Variants in TENM2 observed in about 807,000 individuals in gnomAD.
The protein encoded by TENM2 is teneurin transmembrane protein 2.
Under a neutral mutation model 245.2 loss-of-function variants are expected in TENM2, and 52 were observed. The observed-to-expected ratio is 0.21, with a 90% confidence interval of 0.17 to 0.27. TENM2 has a LOEUF of 0.27. Ranked by LOEUF, TENM2 falls within the 10% of genes least tolerant of loss-of-function variation. The pLI, the probability that TENM2 is intolerant of heterozygous loss-of-function variation, is 1.00. For synonymous variants in TENM2, 1,363 were observed against 1,438.9 expected (o/e 0.95, Z 1.19); for missense variants, 3,046 against 3,666.8 (o/e 0.83, Z 4.37).
At chr5:167,519,859 G>A (rs1216332652) in intron 2 of TENM2, among the ~76,000 whole-genome samples, 1 of 152,058 alleles carries the variant, frequency 6.6e-6, no homozygotes, top group Non-Finnish European at 1.5e-5. Context: ...GGCACTCCAA[G>A]AACCGATGTC....
At chr5:167,933,808 G>A (rs1290721214) in intron 3 of TENM2, among the ~76,000 whole-genome samples, 2 of 152,130 alleles carry the variant, frequency 1.3e-5, no homozygotes, top group African/African-American at 2.4e-5. Context: ...TGTGTATAAT[G>A]GGTATCTCCT....
the TENM2 span, among the ~76,000 whole-genome samples, chr5:167,138,159 A>C: frequency 3.0e-3 from 464 of 152,374 alleles, 1 homozygote; most frequent in Admixed American, 4.1e-3. Flanking sequence ...AAAGAAAACA[A>C]TCAAACAAGT....
intron 4 of TENM2, among the ~76,000 whole-genome samples, chr5:167,962,578 G>A (rs151326195): frequency 7.2e-5 from 11 of 152,214 alleles, no homozygotes; most frequent in African/African-American, 2.4e-4. Flanking sequence ...AGACATACCC[G>A]AGACCCAGTA....
intron 2 of TENM2, among the ~76,000 whole-genome samples, chr5:167,516,433 G>A (rs1225110244): frequency 6.6e-6 from 1 of 152,140 alleles, no homozygotes. Flanking sequence ...CCATGCTCGT[G>A]TGCCTTTTTC....
At chr5:167,718,171 G>T (rs1759391511) in intron 2 of TENM2, among the ~76,000 whole-genome samples, 1 of 152,100 alleles carries the variant, frequency 6.6e-6, no homozygotes, top group Admixed American at 6.5e-5. Flanking sequence ...GTCAAGCTCG[G>T]GGGATCTATC....
intron 12 of TENM2, chr5:168,139,509 G>A (rs769944445): frequency 6.6e-6 from 3 of 456,380 alleles, no homozygotes; most frequent in South Asian, 4.6e-5. Context: ...CTAGAAGTGA[G>A]AGAAACCAGT....
chr5:167,335,551 A>T (rs1262202695), intron 1 of TENM2, among the ~76,000 whole-genome samples: 2 of 152,192 alleles, frequency 1.3e-5, no homozygotes, highest in Non-Finnish European at 2.9e-5. Context: ...CATACAAAAG[A>T]ATAAAGCCTA....
At chr5:167,135,362 G>A in the TENM2 span, among the ~76,000 whole-genome samples, 3 of 152,156 alleles carry the variant, frequency 2.0e-5, no homozygotes, top group Non-Finnish European at 4.4e-5. Flanking sequence ...TAGAATTATA[G>A]GTCCATTGAG....
intron 3 of TENM2, among the ~76,000 whole-genome samples, chr5:167,907,148 C>T (rs1345215273): frequency 6.6e-6 from 1 of 152,088 alleles, no homozygotes; most frequent in Non-Finnish European, 1.5e-5. Context: ...AGGAGAATCA[C>T]TTGAACTCAG....
intron 13 of TENM2, among the ~76,000 whole-genome samples, chr5:168,185,880 A>T (rs1297977033): frequency 3.5e-5 from 5 of 144,856 alleles, no homozygotes; most frequent in Non-Finnish European, 7.5e-5. Context: ...GGTTATAGTT[A>T]TAGTTCATTG....
At chr5:168,002,099 CTTTT>C (rs1166172059) in intron 5 of TENM2, among the ~76,000 whole-genome samples, 1 of 152,012 alleles carries the variant, frequency 6.6e-6, no homozygotes, top group Admixed American at 6.6e-5. Context: ...CTTTCAAAGG[CTTTT>C]TTTGTTTGTT....
chr5:168,047,446 C>G, exon 6 of TENM2: 1 of 1,551,694 alleles, frequency 6.4e-7, no homozygotes, highest in South Asian at 1.2e-5. Context: ...TGCTCGGACT[C>G]AATTGGCAAC....
intron 2 of TENM2, among the ~76,000 whole-genome samples, chr5:167,713,608 A>G (rs1759054282): frequency 6.6e-6 from 1 of 152,112 alleles, no homozygotes; most frequent in African/African-American, 2.4e-5. Flanking sequence ...ATGCACATAC[A>G]TGTGCACCTC....
At chr5:167,528,021 C>G (rs1771237004) in intron 2 of TENM2, among the ~76,000 whole-genome samples, 1 of 152,068 alleles carries the variant, frequency 6.6e-6, no homozygotes, top group Admixed American at 6.6e-5. Flanking sequence ...TTTAATAAGG[C>G]CTTACAAGGT....
chr5:167,042,880 G>A, the TENM2 span, among the ~76,000 whole-genome samples: 2,615 of 152,270 alleles, frequency 0.017, 71 homozygotes, highest in African/African-American at 0.059. Context: ...TCGGAACAAA[G>A]TAGATGATTG....
At chr5:168,127,018 A>G (rs1393670806) in intron 12 of TENM2, 52 bp downstream of exon 14, 33 of 1,456,910 alleles carry the variant, frequency 2.3e-5, no homozygotes, top group Non-Finnish European at 3.0e-5. Flanking sequence ...ATGGTCGCGC[A>G]TGGCAACTGG....
At chr5:167,529,431 T>C (rs1247150159) in intron 2 of TENM2, among the ~76,000 whole-genome samples, 1 of 152,238 alleles carries the variant, frequency 6.6e-6, no homozygotes, top group African/African-American at 2.4e-5. Flanking sequence ...AATGTTGCTA[T>C]AACTAGAATC....
intron 24 of TENM2, among the ~76,000 whole-genome samples, chr5:168,227,138 A>ACAGT (rs1562305732): frequency 3.9e-5 from 6 of 152,184 alleles, no homozygotes; most frequent in African/African-American, 1.4e-4. Flanking sequence ...CTTTGCCCAG[A>ACAGT]CAGTCAGGAA....
At chr5:167,033,752 A>G in the TENM2 span, among the ~76,000 whole-genome samples, 3 of 152,346 alleles carry the variant, frequency 2.0e-5, no homozygotes, top group Admixed American at 6.5e-5. Flanking sequence ...GCATATCAAC[A>G]TAAGTAACTT....
Sources: gnomAD v4.1 joint callset for allele counts (sites outside exome capture counted in the v4.1 genomes callset) on GRCh38, gnomAD v4.1.1 for gene constraint, MANE v1.5 for transcripts, NCBI Gene and HGNC (gene_info 2026-07-23, HGNC 2026-07-21) for gene names.